The following NRG1 variants were observed in gnomAD, a reference collection of about 807,000 sequenced individuals.
The protein encoded by NRG1 is pro-neuregulin-1, membrane-bound isoform.
Under a neutral mutation model 63.8 loss-of-function variants are expected in NRG1, and 18 were observed. The ratio of observed to expected loss-of-function variants is 0.28; its 90% CI spans 0.19 to 0.42. NRG1 has a LOEUF of 0.42. NRG1 is among the 10% of genes least tolerant of loss of function. NRG1 has a pLI of 1.00. For missense variants in NRG1, 762 were observed against 814.7 expected (o/e 0.94, Z 0.79); for synonymous variants, 302 against 301.3 (o/e 1.00, Z -0.02).
At chr8:32,174,400 AC>A (rs1360704824) in intron 1 of NRG1, among the ~76,000 whole-genome samples, 7 of 152,190 alleles carry the variant, frequency 4.6e-5, no homozygotes, top group Admixed American at 1.3e-4. Context: ...TAAAATGGAC[AC>A]CCTAACATCA....
chr8:32,475,301 C>T (rs1824373760), intron 1 of NRG1, among the ~76,000 whole-genome samples: 1 of 151,652 alleles, frequency 6.6e-6, no homozygotes, highest in African/African-American at 2.4e-5. Flanking sequence ...CCCAGCTCTA[C>T]TAAAAATACA....
intron 1 of NRG1, among the ~76,000 whole-genome samples, chr8:31,648,705 G>T (rs952593099): frequency 1.3e-5 from 2 of 152,024 alleles, no homozygotes; most frequent in African/African-American, 4.8e-5. Context: ...TGTCCTCAAG[G>T]TTCATCATGT....
At chr8:31,960,234 T>C (rs1805223678) in intron 1 of NRG1, among the ~76,000 whole-genome samples, 1 of 152,180 alleles carries the variant, frequency 6.6e-6, no homozygotes, top group Non-Finnish European at 1.5e-5. Flanking sequence ...CATTGTCTAC[T>C]TTTAACACTT....
intron 1 of NRG1, among the ~76,000 whole-genome samples, chr8:31,873,553 C>T (rs572243864): frequency 2.0e-5 from 3 of 151,992 alleles, no homozygotes; most frequent in African/African-American, 4.8e-5. Flanking sequence ...AGCGAGACTC[C>T]GTCTGAAAAA....
At chr8:32,461,511 C>T (rs1822306090) in intron 1 of NRG1, among the ~76,000 whole-genome samples, 1 of 151,994 alleles carries the variant, frequency 6.6e-6, no homozygotes, top group African/African-American at 2.4e-5. Flanking sequence ...CCAGCTTTGC[C>T]AACATGGAGA....
chr8:31,795,051 C>T (rs1445874321), intron 1 of NRG1, among the ~76,000 whole-genome samples: 1 of 152,186 alleles, frequency 6.6e-6, no homozygotes, highest in Admixed American at 6.5e-5. Context: ...GATACGCCTG[C>T]CTTAGCCTCC....
At chr8:32,424,494 C>T (rs1817098172) in intron 1 of NRG1, among the ~76,000 whole-genome samples, 1 of 152,104 alleles carries the variant, frequency 6.6e-6, no homozygotes, top group African/African-American at 2.4e-5. Context: ...GAGGCCTTAC[C>T]ATTTTGATAC....
intron 1 of NRG1, among the ~76,000 whole-genome samples, chr8:31,834,317 A>ACACACACG (rs1392868115): frequency 8.7e-5 from 13 of 149,114 alleles, no homozygotes; most frequent in South Asian, 4.4e-4. Context: ...GCACACACAC[A>ACACACACG]CACACACACA....
At chr8:31,791,838 A>C (rs1231270170) in intron 1 of NRG1, among the ~76,000 whole-genome samples, 1 of 151,946 alleles carries the variant, frequency 6.6e-6, no homozygotes, top group Non-Finnish European at 1.5e-5. Context: ...AGAAGGCAGC[A>C]CTCTTGCCCT....
At chr8:32,168,226 AT>A (rs1313022942) in intron 1 of NRG1, among the ~76,000 whole-genome samples, 2 of 152,220 alleles carry the variant, frequency 1.3e-5, no homozygotes, top group Non-Finnish European at 2.9e-5. Context: ...GGGAAACTCA[AT>A]CCCAGTGATC....
In NRG1 at chr8:31,640,577, G is replaced by A; in HGVS notation, c.37+1146G>A. The A allele has an allele frequency of 6.2e-7, 1 of 1,612,044 alleles. No homozygotes were observed. Reference sequence around the variant, plus strand: ...CACCCCGCCTTCCCCTCCTGCGGGAGGCTCAAGGAGGACAGCAGGTACATC... The same window carrying A: ...CACCCCGCCTTCCCCTCCTGCGGGAAGCTCAAGGAGGACAGCAGGTACATC... On this transcript the variant is annotated intron_variant, in intron 1 of 10. Coordinates refer to the NRG1 transcript ENST00000519301. This position sits in a 1 kb window ranked among gnomAD's most constrained non-coding sequence, Gnocchi z 6.3.
At chr8:31,933,645 A>G (rs1835047523) in intron 1 of NRG1, among the ~76,000 whole-genome samples, 1 of 152,246 alleles carries the variant, frequency 6.6e-6, no homozygotes, top group African/African-American at 2.4e-5. Flanking sequence ...TTAAGATCAG[A>G]AAGCTAGAAA....
chr8:32,306,331 A>C (rs2129475573), intron 1 of NRG1, among the ~76,000 whole-genome samples: 1 of 152,338 alleles, frequency 6.6e-6, no homozygotes. Flanking sequence ...TCCTTAAGAA[A>C]AAATTAACAA....
chr8:32,044,662 GA>G (rs756095740), intron 1 of NRG1, among the ~76,000 whole-genome samples: 2 of 150,754 alleles, frequency 1.3e-5, no homozygotes, highest in African/African-American at 4.9e-5. Context: ...GATGCCAGGG[GA>G]AAAAAATTCC....
At chr8:31,820,204 G>T (rs1009911968) in intron 1 of NRG1, among the ~76,000 whole-genome samples, 1 of 152,136 alleles carries the variant, frequency 6.6e-6, no homozygotes, top group Non-Finnish European at 1.5e-5. Flanking sequence ...GGAGTAACGC[G>T]ATGAGGGCCA....
intron 1 of NRG1, among the ~76,000 whole-genome samples, chr8:32,043,008 G>A (rs1189339444): frequency 3.5e-5 from 4 of 112,782 alleles, no homozygotes; most frequent in East Asian, 6.2e-4. Context: ...GTACACAAAC[G>A]TATATAAACA....
chr8:32,583,673 T>C (rs551818053), intron 1 of NRG1, among the ~76,000 whole-genome samples: 1 of 152,298 alleles, frequency 6.6e-6, no homozygotes, highest in South Asian at 2.1e-4. Context: ...AAAGCTCCCT[T>C]CAGATAATGC....
intron 1 of NRG1, among the ~76,000 whole-genome samples, chr8:31,796,948 A>G (rs1821289510): frequency 6.6e-6 from 1 of 152,086 alleles, no homozygotes; most frequent in South Asian, 2.1e-4. Flanking sequence ...CAGTGATTAT[A>G]TAGGGTCAGT....
intron 1 of NRG1, among the ~76,000 whole-genome samples, chr8:32,561,428 G>A (rs985135294): frequency 1.3e-5 from 2 of 152,206 alleles, no homozygotes; most frequent in African/African-American, 4.8e-5. Flanking sequence ...CATAAAATAA[G>A]TAGTCCTAAT....
Sources: gnomAD v4.1 joint callset for allele counts (sites outside exome capture counted in the v4.1 genomes callset) on GRCh38, gnomAD v4.1.1 for gene constraint, Gnocchi (gnomAD v3.1) non-coding constraint, MANE v1.5 for transcripts, NCBI Gene and HGNC (gene_info 2026-07-23, HGNC 2026-07-21) for gene names.